Variants in CAMSAP1 observed in about 807,000 individuals in gnomAD.
CAMSAP1 encodes calmodulin-regulated spectrin-associated protein 1.
A neutral mutation model predicts 143.5 loss-of-function variants in CAMSAP1; 58 were observed. The observed-to-expected ratio is 0.40, with a 90% CI of 0.33 to 0.50. The LOEUF is 0.50. Ranked by LOEUF, CAMSAP1 falls within the 20% of genes least tolerant of loss-of-function variation. CAMSAP1 has a pLI of 0.45. For missense variants in CAMSAP1, 1,969 were observed against 2,115.7 expected (o/e 0.93, Z 1.36); for synonymous variants, 945 against 859.3 (o/e 1.10, Z -1.74).
In CAMSAP1 at chr9:135,820,429, T is replaced by C. The variant is rs1236924336; in HGVS notation, c.3822+410A>G. On this transcript the variant is annotated intron_variant, in intron 11 of 16. Transcript: ENST00000389532. This position sits in a 1 kb window ranked among gnomAD's most constrained non-coding sequence, Gnocchi z 4.4. ...TTTTTTGAAGTTGCTATATCAGAGG[T>C]TGGCAAACTTCAGCCCACAGGCCAG... is the stretch of plus-strand genomic sequence containing the variant. Among the ~76,000 whole-genome samples, 2 of 151,992 alleles carry C rather than the reference T, an allele frequency of 1.3e-5. No individual in the cohort carries two copies. The highest frequency in any genetic ancestry group is 1.9e-4 in the East Asian group (1 of 5,186).
At chr9:135,867,475 C>CCCCCCCCT (rs1491489651) in intron 3 of CAMSAP1, among the ~76,000 whole-genome samples, 1 of 145,262 alleles carries the variant, frequency 6.9e-6, no homozygotes, top group Non-Finnish European at 1.5e-5. Flanking sequence ...CAAGACCCCC[C>CCCCCCCCT]TCTTTTTTTT....
chr9:135,893,504 A>C (rs1011395718), intron 1 of CAMSAP1, among the ~76,000 whole-genome samples: 1 of 152,230 alleles, frequency 6.6e-6, no homozygotes, highest in African/African-American at 2.4e-5. Flanking sequence ...CAATGGGCTG[A>C]TGAATAGATT....
In CAMSAP1 at chr9:135,907,470, G is replaced by A. The variant is rs2131047283; in HGVS notation, c.-311C>T. Reference sequence around the variant, plus strand: ...CGGGAGCGGGCCGGGGGCGGTGGCAGCGCGTGCGCGGTCCCGGGTGAGCGG... The same window carrying A: ...CGGGAGCGGGCCGGGGGCGGTGGCAACGCGTGCGCGGTCCCGGGTGAGCGG... On this transcript the variant is annotated 5_prime_UTR_variant, in exon 1 of 17. Transcript: ENST00000389532. 6.8e-6 allele frequency among the ~76,000 whole-genome samples: 1 copy of A among 146,576 alleles called. No individual in the cohort carries two copies. The highest frequency in any genetic ancestry group is 2.4e-5 in the African/African-American group (1 of 40,858).
At position 135,826,711 on chromosome 9, in the gene CAMSAP1, A is replaced by G. The variant is rs1297839743; in HGVS notation, c.1223+696T>C. 3.3e-5 allele frequency among the ~76,000 whole-genome samples: 5 copies of G among 151,970 alleles called. No homozygotes were observed. Among genetic ancestry groups the G allele is most frequent in the Non-Finnish European group, 7.4e-5 (5 of 67,990 alleles). ...CGCCACATGTTAAAAATGTTTCTCC[A>G]CTTTCGGTGTGCTAACTGGCTCCAG... On this transcript the variant is annotated intron_variant, in intron 8 of 16. Transcript: ENST00000389532. This position sits in a 1 kb window ranked among gnomAD's most constrained non-coding sequence, Gnocchi z 4.4.
intron 14 of CAMSAP1, chr9:135,817,716 G>A (rs1202229264): frequency 1.4e-5 from 6 of 413,856 alleles, no homozygotes; most frequent in Admixed American, 7.9e-5. Flanking sequence ...GACTCAAAAC[G>A]ATGAAGAAGC....
At chr9:135,834,151 G>C (rs1422710357) in intron 7 of CAMSAP1, among the ~76,000 whole-genome samples, 1 of 152,146 alleles carries the variant, frequency 6.6e-6, no homozygotes, top group Admixed American at 6.5e-5. Context: ...AAAGACAAGA[G>C]ATGAGTATTG....
chr9:135,851,594 C>T (rs963769423), intron 5 of CAMSAP1, among the ~76,000 whole-genome samples: 13 of 152,254 alleles, frequency 8.5e-5, no homozygotes, highest in African/African-American at 3.1e-4. Flanking sequence ...TTCCACTCCT[C>T]CTGAGTATTC....
intron 7 of CAMSAP1, among the ~76,000 whole-genome samples, chr9:135,831,480 TA>T (rs57460163): frequency 0.021 from 2,839 of 136,408 alleles, 61 homozygotes; most frequent in African/African-American, 0.056. Flanking sequence ...TTTTTTTAAT[TA>T]AAAAAAAAAA....
At chr9:135,887,043 T>G (rs1386629296) in intron 1 of CAMSAP1, among the ~76,000 whole-genome samples, 1 of 150,460 alleles carries the variant, frequency 6.6e-6, no homozygotes, top group Non-Finnish European at 1.5e-5. Flanking sequence ...AGCGCAAGAG[T>G]AAAGGGACCA....
chr9:135,883,503 G>C (rs1348779340), intron 1 of CAMSAP1, among the ~76,000 whole-genome samples: 1 of 152,226 alleles, frequency 6.6e-6, no homozygotes, highest in Non-Finnish European at 1.5e-5. Context: ...CACCAGCGGA[G>C]ACAGCATGTG....
Position 135,882,721 on chromosome 9 carries a change from C to A in CAMSAP1, c.423+95G>T. On this transcript the variant is annotated intron_variant, in intron 2 of 16. Transcript: ENST00000389532. This position sits in a 1 kb window ranked among gnomAD's most constrained non-coding sequence, Gnocchi z 4.9. ...CACGGGTCTCCACCACCTCGCCGCA[C>A]ACCGTGTTCACACCATCCATGCACC... The A allele has an allele frequency of 7.0e-7, 1 of 1,419,314 alleles. No individual in the cohort carries two copies. The highest frequency in any genetic ancestry group is 9.4e-7 in the Non-Finnish European group (1 of 1,066,246). The allele number at this position is 1,419,314 out of a possible 1,614,324, so 87.9% of individuals were successfully genotyped here. A position where few individuals can be genotyped will look rare whatever the true frequency, so the allele number is the denominator to read the frequency against.
intron 1 of CAMSAP1, among the ~76,000 whole-genome samples, chr9:135,900,900 G>A (rs1025428481): frequency 2.6e-5 from 4 of 151,784 alleles, no homozygotes; most frequent in Admixed American, 2.0e-4. Context: ...GATTACAGGC[G>A]CATGCCACCA....
intron 7 of CAMSAP1, among the ~76,000 whole-genome samples, chr9:135,847,412 C>T (rs543726091): frequency 2.6e-5 from 4 of 151,976 alleles, no homozygotes; most frequent in Non-Finnish European, 5.9e-5. Flanking sequence ...CACATGCACA[C>T]GTATGTTTAC....
At chr9:135,891,141 C>T (rs1044529463) in intron 1 of CAMSAP1, among the ~76,000 whole-genome samples, 6 of 152,114 alleles carry the variant, frequency 3.9e-5, no homozygotes, top group South Asian at 2.1e-4. Flanking sequence ...GGCTAGAGGA[C>T]GAGGAAAAGG....
chr9:135,818,350 C>T lies in CAMSAP1; in HGVS notation c.4168+58G>A, dbSNP rs957977546. 2.7e-6 allele frequency: 4 copies of T among 1,491,564 alleles called. No individual in the cohort carries two copies. The highest frequency in any genetic ancestry group is 4.9e-5 in the East Asian group (2 of 40,414). The allele number at this position is 1,491,564 out of a possible 1,614,324, so 92.4% of individuals were successfully genotyped here. A position where few individuals can be genotyped will look rare whatever the true frequency, so the allele number is the denominator to read the frequency against. On this transcript the variant is annotated intron_variant, in intron 13 of 16. Transcript: ENST00000389532. The surrounding 1 kb of genome is among the most constrained non-coding windows in gnomAD (Gnocchi z 7.7). ...GACAAAATTGAAATGAGCTGAAGAA[C>T]GTGAGGCCGCCGCCCGCGGAAGGAA...
At chr9:135,889,211 C>T (rs962969848) in intron 1 of CAMSAP1, among the ~76,000 whole-genome samples, 1 of 152,196 alleles carries the variant, frequency 6.6e-6, no homozygotes, top group African/African-American at 2.4e-5. Flanking sequence ...ATGTAGCCCC[C>T]AGGAGCAGGT....
At chr9:135,829,099 C>T (rs942735497) in intron 7 of CAMSAP1, among the ~76,000 whole-genome samples, 3 of 152,106 alleles carry the variant, frequency 2.0e-5, no homozygotes, top group Admixed American at 6.5e-5. Context: ...AATAGCAACA[C>T]AAAAACATAA....
At chr9:135,828,302 C>T (rs1164198290) in intron 7 of CAMSAP1, among the ~76,000 whole-genome samples, 2 of 152,156 alleles carry the variant, frequency 1.3e-5, no homozygotes, top group South Asian at 2.1e-4. Context: ...ATGGTGGGGA[C>T]CAGTGGGAGG....
intron 7 of CAMSAP1, among the ~76,000 whole-genome samples, chr9:135,841,510 G>A (rs922977998): frequency 6.6e-6 from 1 of 152,242 alleles, no homozygotes; most frequent in South Asian, 2.1e-4. Context: ...CTAAGGGACA[G>A]ACTGCCTTCA....
Sources: gnomAD v4.1 joint callset for allele counts (sites outside exome capture counted in the v4.1 genomes callset) on GRCh38, gnomAD v4.1.1 for gene constraint, Gnocchi (gnomAD v3.1) non-coding constraint, MANE v1.5 for transcripts, NCBI Gene and HGNC (gene_info 2026-07-23, HGNC 2026-07-21) for gene names.